Variants in BFSP2 observed in about 807,000 individuals in gnomAD.
BFSP2 encodes phakinin.
BFSP2 carries 38 observed loss-of-function variants against 44.9 expected under a neutral mutation model. The observed-to-expected ratio is 0.85, with a 90% CI of 0.65 to 1.11. BFSP2 has a LOEUF of 1.11. Among genes scored for constraint, BFSP2 ranks in the 50% least tolerant of loss-of-function variants. The probability of loss-of-function intolerance (pLI) is 0.00; values close to 1 mark genes in which losing one functional copy is unlikely to be tolerated. For missense variants in BFSP2, 525 were observed against 533.0 expected, an observed-to-expected ratio of 0.99 and a Z score of 0.15; for synonymous variants, 197 against 209.9, an observed-to-expected ratio of 0.94 and a Z score of 0.53.
intron 4 of BFSP2, 53 bp downstream of exon 4, chr3:133,450,517 G>C: frequency 6.2e-7 from 1 of 1,604,256 alleles, no homozygotes; most frequent in Middle Eastern, 1.9e-4. Flanking sequence ...AGGAGGCCAC[G>C]CTGAGCTGCA....
At chr3:133,414,791 C>A (rs1253197388) in intron 1 of BFSP2, among the ~76,000 whole-genome samples, 1 of 99,084 alleles carries the variant, frequency 1.0e-5, no homozygotes, top group Non-Finnish European at 2.1e-5. Context: ...CTGCCACCCC[C>A]CCCCCGCTTA....
chr3:133,468,283 T>C (rs1039769483), intron 5 of BFSP2, among the ~76,000 whole-genome samples: 6 of 152,154 alleles, frequency 3.9e-5, no homozygotes, highest in African/African-American at 1.2e-4. Context: ...GACTTCGTGG[T>C]GGGTGCTCTC....
chr3:133,460,008 GGTGA>G (rs2074047465), intron 4 of BFSP2, among the ~76,000 whole-genome samples: 1 of 152,126 alleles, frequency 6.6e-6, no homozygotes, highest in Admixed American at 6.5e-5. Context: ...GGGGCAGAGG[GGTGA>G]GTAAGAAGTT....
chr3:133,441,388 G>C (rs1252866889), intron 1 of BFSP2, among the ~76,000 whole-genome samples: 4 of 152,132 alleles, frequency 2.6e-5, no homozygotes, highest in Non-Finnish European at 4.4e-5. Flanking sequence ...CTGTGCTTGG[G>C]CTTCTTAGTT....
At chr3:133,409,901 G>A (rs1269283940) in intron 1 of BFSP2, 1 of 154,676 alleles carries the variant, frequency 6.5e-6, no homozygotes, top group Admixed American at 6.5e-5. Context: ...ACTGCCATAA[G>A]GATGGACACC....
chr3:133,419,542 C>T (rs1330360473), intron 1 of BFSP2, among the ~76,000 whole-genome samples: 1 of 152,212 alleles, frequency 6.6e-6, no homozygotes, highest in Non-Finnish European at 1.5e-5. Context: ...ACACAGGCCC[C>T]ACTCTGTGAG....
At chr3:133,464,550 A>G (rs2074091969) in intron 4 of BFSP2, among the ~76,000 whole-genome samples, 1 of 152,234 alleles carries the variant, frequency 6.6e-6, no homozygotes, top group African/African-American at 2.4e-5. Flanking sequence ...AATTGTTACT[A>G]AATATTTGAC....
intron 3 of BFSP2, 61 bp downstream of exon 3, chr3:133,448,706 T>G (rs1191632012): frequency 2.5e-6 from 4 of 1,592,092 alleles, no homozygotes; most frequent in Non-Finnish European, 3.4e-6. Flanking sequence ...TCTGTCTGCC[T>G]GTGCTTCATA....
chr3:133,455,326 C>T (rs1038395260), intron 4 of BFSP2: 4 of 152,210 alleles, frequency 2.6e-5, no homozygotes, highest in African/African-American at 7.2e-5. Context: ...TCAAGGTACC[C>T]ACCAGGGCCG....
intron 1 of BFSP2, chr3:133,404,765 A>T (rs1002126483): frequency 6.6e-6 from 1 of 152,220 alleles, no homozygotes; most frequent in African/African-American, 2.4e-5. Flanking sequence ...TTGCACTGGG[A>T]TCCGCAAATT....
Position 133,400,946 on chromosome 3 carries a change from C to T in BFSP2, c.489+374C>T, listed in dbSNP as rs1384470418. 2.0e-5 allele frequency among the ~76,000 whole-genome samples: 3 copies of T among 152,110 alleles called. No homozygotes were observed. Among genetic ancestry groups the T allele is most frequent in the South Asian group, 2.1e-4 (1 of 4,828 alleles). On this transcript the variant is annotated intron_variant, in intron 1 of 6. Transcript: ENST00000302334. The surrounding 1 kb of genome is among the most constrained non-coding windows in gnomAD (Gnocchi z 4.0). ...TTGTGCCTCCAAAGTTGCATTTGCC[C>T]CATTACCCTGGGGCTGCCTCAGTCA...
intron 1 of BFSP2, among the ~76,000 whole-genome samples, chr3:133,402,534 A>G (rs2073370413): frequency 6.6e-6 from 1 of 152,138 alleles, no homozygotes; most frequent in African/African-American, 2.4e-5. Flanking sequence ...CTCTTAAGTG[A>G]CTATAAATGA....
At chr3:133,428,665 G>A (rs149816475) in intron 1 of BFSP2, among the ~76,000 whole-genome samples, 217 of 152,330 alleles carry the variant, frequency 1.4e-3, no homozygotes, top group African/African-American at 5.0e-3. Flanking sequence ...AGGAAAGTCG[G>A]GGATAACTGT....
chr3:133,414,913 C>CTT (rs1326816528), intron 1 of BFSP2, among the ~76,000 whole-genome samples: 2 of 118,332 alleles, frequency 1.7e-5, no homozygotes, highest in African/African-American at 3.3e-5. Flanking sequence ...CTACTCACTC[C>CTT]TGCCCTGTCC....
intron 1 of BFSP2, among the ~76,000 whole-genome samples, chr3:133,439,757 C>T (rs2073826184): frequency 1.3e-5 from 2 of 152,160 alleles, no homozygotes; most frequent in Admixed American, 1.3e-4. Context: ...GAGCAAGGTC[C>T]AAATTGTGCC....
chr3:133,435,843 T>C (rs941869354), intron 1 of BFSP2, among the ~76,000 whole-genome samples: 4 of 152,226 alleles, frequency 2.6e-5, no homozygotes, highest in Admixed American at 2.6e-4. Flanking sequence ...TAGGGCATTG[T>C]CCCCATAAAC....
chr3:133,421,638 C>A (rs2073593407), intron 1 of BFSP2, among the ~76,000 whole-genome samples: 1 of 152,220 alleles, frequency 6.6e-6, no homozygotes, highest in Admixed American at 6.5e-5. Flanking sequence ...TGCAACTTAT[C>A]TTTTGGATGG....
chr3:133,453,967 T>C (rs1422481901), intron 4 of BFSP2, among the ~76,000 whole-genome samples: 3 of 152,234 alleles, frequency 2.0e-5, no homozygotes, highest in African/African-American at 4.8e-5. Context: ...TTTTTGAAGC[T>C]TCTGAAGTTG....
chr3:133,413,741 G>C (rs2073478074), intron 1 of BFSP2, among the ~76,000 whole-genome samples: 1 of 151,982 alleles, frequency 6.6e-6, no homozygotes, highest in Non-Finnish European at 1.5e-5. Context: ...CCTCAGGAGG[G>C]AGTGAATGCA....
Sources: gnomAD v4.1 joint callset for allele counts (sites outside exome capture counted in the v4.1 genomes callset) on GRCh38, gnomAD v4.1.1 for gene constraint, Gnocchi (gnomAD v3.1) non-coding constraint, MANE v1.5 for transcripts, NCBI Gene and HGNC (gene_info 2026-07-23, HGNC 2026-07-21) for gene names.